Variants in SCFD2 observed in about 807,000 individuals in gnomAD.
The protein encoded by SCFD2 is sec1 family domain containing 2.
Under a neutral mutation model 58.9 loss-of-function variants are expected in SCFD2, and 54 were observed. The ratio of observed to expected loss-of-function variants is 0.92; its 90% CI spans 0.74 to 1.15. The LOEUF is 1.15. Ranked by LOEUF, SCFD2 falls within the 50% of genes most tolerant of loss-of-function variation. The pLI is 0.00. For synonymous variants in SCFD2, 321 were observed against 335.9 expected (o/e 0.96, Z 0.49); for missense variants, 805 against 836.6 (o/e 0.96, Z 0.47).
intron 4 of SCFD2, among the ~76,000 whole-genome samples, chr4:53,250,708 C>A (rs1730331953): frequency 6.6e-6 from 1 of 152,162 alleles, no homozygotes. Flanking sequence ...ACAACAAAGA[C>A]ACAACATATC....
At chr4:52,975,246 G>T (rs1396866192) in intron 5 of SCFD2, among the ~76,000 whole-genome samples, 4 of 152,078 alleles carry the variant, frequency 2.6e-5, no homozygotes, top group Non-Finnish European at 5.9e-5. Context: ...CTACAGAATG[G>T]GAGAAAATTT....
At chr4:52,920,079 A>G (rs1302664795) in intron 6 of SCFD2, among the ~76,000 whole-genome samples, 1 of 152,210 alleles carries the variant, frequency 6.6e-6, no homozygotes, top group Non-Finnish European at 1.5e-5. Context: ...AAGACTCCCC[A>G]GCCTCAGTGG....
chr4:53,099,299 T>C (rs1724760523), intron 5 of SCFD2, among the ~76,000 whole-genome samples: 3 of 152,016 alleles, frequency 2.0e-5, no homozygotes, highest in East Asian at 1.9e-4. Flanking sequence ...AAGCGGAGAG[T>C]TGAAAGAGAA....
chr4:53,093,849 G>C (rs1341704382), intron 5 of SCFD2, among the ~76,000 whole-genome samples: 1 of 152,128 alleles, frequency 6.6e-6, no homozygotes, highest in Non-Finnish European at 1.5e-5. Flanking sequence ...AAGAATAGCA[G>C]GGTGAAGGGG....
chr4:53,251,152 C>T lies in SCFD2; in HGVS notation c.1311+22674G>A, dbSNP rs906495237. Among the ~76,000 whole-genome samples, 21 of 152,178 alleles carry T rather than the reference C, an allele frequency of 1.4e-4. No individual in the cohort carries two copies. In the South Asian group the frequency reaches 2.1e-3, roughly 15 times the overall value. On this transcript the variant is annotated intron_variant, in intron 4 of 8. Coordinates refer to ENST00000401642, the MANE Select transcript of SCFD2 (RefSeq NM_152540.4). ...ATCTAGAAGAAATGGATAAATTCCT[C>T]GACACATACACTCTCCCAAGACTAA...
chr4:53,098,316 G>A lies in SCFD2; in HGVS notation c.1561+47017C>T, dbSNP rs1008806210. On this transcript the variant is annotated intron_variant, in intron 5 of 8. Transcript: ENST00000401642. ...GTACCAGCTCCTCCTTGTACCTCTG[G>A]TAGAATTCGGCTGTGAATCCGTCAG... 2.6e-5 allele frequency among the ~76,000 whole-genome samples: 4 copies of A among 152,148 alleles called. No individual in the cohort carries two copies. In the East Asian group the frequency reaches 5.8e-4, roughly 22 times the overall value.
chr4:53,283,844 A>G (rs1731579117), intron 3 of SCFD2, among the ~76,000 whole-genome samples: 1 of 152,032 alleles, frequency 6.6e-6, no homozygotes, highest in East Asian at 1.9e-4. Context: ...TAGGCCAGGC[A>G]CGGTGTCTCA....
At position 52,988,107 on chromosome 4, in the gene SCFD2, G is replaced by A. The variant is rs1052716987; in HGVS notation, c.1562-67237C>T. ...ACCTACAATTCATCAGCTGTGGGAG[G>A]AGAAGGAGAAACCTTATGTGAGGGA... On this transcript the variant is annotated intron_variant, in intron 5 of 8. Transcript: ENST00000401642. Among the ~76,000 whole-genome samples the A allele has an allele frequency of 2.6e-5, 4 of 152,200 alleles. No individual in the cohort carries two copies. In the East Asian group the frequency reaches 7.7e-4, roughly 29 times the overall value.
intron 6 of SCFD2, 78 bp from the exon 7 acceptor site, chr4:52,907,669 A>G (rs1415345717): frequency 2.2e-6 from 3 of 1,390,334 alleles, no homozygotes; most frequent in Non-Finnish European, 3.0e-6. Flanking sequence ...GCAATGAAGA[A>G]AGCAAAGCAA....
At chr4:53,174,655 G>T (rs1727275138) in intron 4 of SCFD2, among the ~76,000 whole-genome samples, 1 of 152,128 alleles carries the variant, frequency 6.6e-6, no homozygotes, top group Non-Finnish European at 1.5e-5. Context: ...ATTAAATTGG[G>T]CACAGGGAAG....
At chr4:53,054,709 G>A (rs1203247295) in intron 5 of SCFD2, among the ~76,000 whole-genome samples, 2 of 151,830 alleles carry the variant, frequency 1.3e-5, no homozygotes, top group Non-Finnish European at 1.5e-5. Flanking sequence ...CTGGAGTACA[G>A]TGGCACAATC....
At chr4:53,290,206 ACACTATATGTG>A (rs1422854764) in intron 3 of SCFD2, among the ~76,000 whole-genome samples, 8 of 152,170 alleles carry the variant, frequency 5.3e-5, no homozygotes, top group Non-Finnish European at 1.0e-4. Flanking sequence ...TCTCCAAGAT[ACACTATATGTG>A]AGGCCACAGT....
intron 4 of SCFD2, among the ~76,000 whole-genome samples, chr4:53,230,435 T>C (rs1577869697): frequency 2.0e-5 from 3 of 152,218 alleles, no homozygotes; most frequent in South Asian, 2.1e-4. Flanking sequence ...TGGAATACTA[T>C]GCAGCCACAA....
intron 2 of SCFD2, among the ~76,000 whole-genome samples, chr4:53,333,897 T>C (rs1180183725): frequency 7.2e-6 from 1 of 139,274 alleles, no homozygotes; most frequent in Non-Finnish European, 1.6e-5. Context: ...CTCAAACAAA[T>C]TTACAAGAAA....
At chr4:52,907,660 C>T in intron 6 of SCFD2, 69 bp from the exon 7 acceptor site, 3 of 1,497,098 alleles carry the variant, frequency 2.0e-6, no homozygotes, top group Non-Finnish European at 2.8e-6. Context: ...GCTTTATCTG[C>T]AATGAAGAAA....
intron 5 of SCFD2, among the ~76,000 whole-genome samples, chr4:53,056,796 A>AT: frequency 6.6e-6 from 1 of 152,218 alleles, no homozygotes; most frequent in South Asian, 2.1e-4. Flanking sequence ...AGGAAGAGGG[A>AT]TAGGGGCACT....
At chr4:52,888,892 TCA>T (rs1491587905) in intron 7 of SCFD2, among the ~76,000 whole-genome samples, 27 of 152,170 alleles carry the variant, frequency 1.8e-4, no homozygotes, top group African/African-American at 6.3e-4. Context: ...CCTGTGGACA[TCA>T]CCACCCAGCT....
chr4:53,266,815 A>G (rs1730998359), intron 4 of SCFD2, among the ~76,000 whole-genome samples: 1 of 152,238 alleles, frequency 6.6e-6, no homozygotes, highest in African/African-American at 2.4e-5. Flanking sequence ...AGAAAAAAGG[A>G]GTCATGAAGA....
intron 2 of SCFD2, among the ~76,000 whole-genome samples, chr4:53,337,195 G>A (rs1228850959): frequency 5.9e-5 from 9 of 152,128 alleles, no homozygotes; most frequent in Admixed American, 5.9e-4. Flanking sequence ...GCTTGCAGAT[G>A]GCCCACTTCT....
Sources: gnomAD v4.1 joint callset for allele counts (sites outside exome capture counted in the v4.1 genomes callset) on GRCh38, gnomAD v4.1.1 for gene constraint, MANE v1.5 for transcripts, NCBI Gene and HGNC (gene_info 2026-07-23, HGNC 2026-07-21) for gene names.